The following EPX variants were observed in gnomAD, a reference collection of about 807,000 sequenced individuals.
EPX encodes the protein eosinophil peroxidase.
Under a neutral mutation model 73.0 loss-of-function variants are expected in EPX, and 60 were observed. That is an observed-to-expected ratio of 0.82 (90% CI 0.67 to 1.02). The LOEUF is 1.02. Ranked by LOEUF, EPX falls within the 50% of genes least tolerant of loss-of-function variation. EPX has a pLI of 0.00. For synonymous variants in EPX, 347 were observed against 389.2 expected, an observed-to-expected ratio of 0.89 and a Z score of 1.28; for missense variants, 950 against 973.9, an observed-to-expected ratio of 0.98 and a Z score of 0.33.
chr17:58,195,687 C>A (rs1968245874), intron 6 of EPX, among the ~76,000 whole-genome samples: 1 of 150,772 alleles, frequency 6.6e-6, no homozygotes, highest in African/African-American at 2.5e-5. Context: ...CACGTGCACA[C>A]ACACACTCTC....
rs1311662821 is a variant in EPX at position 58,195,087 on chromosome 17, G to T, written c.718G>T (p.Glu240Ter). 3 of 1,613,954 alleles carry T rather than the reference G, an allele frequency of 1.9e-6. No homozygotes were observed. The highest frequency in any genetic ancestry group is 2.5e-6 in the Non-Finnish European group (3 of 1,179,920). The change falls in exon 6 of 13, where the codon GAG becomes TAG. Residue 240 changes from glutamate to a stop codon, truncating the protein, a stop_gained. Coordinates refer to ENST00000225371, the MANE Select transcript of EPX (RefSeq NM_000502.6). LOFTEE classifies it high-confidence loss of function. The part of the protein sequence containing the change: ...FIDHDLDFSP[E>*]SPARVAFTAG... ...TGACCATGACCTGGACTTCTCCCCG[G>T]AGTCCCCGGCCAGAGTGGCCTTCAC...
intron 11 of EPX, 75 bp from the exon 12 acceptor site, chr17:58,204,146 AC>A: frequency 2.1e-6 from 2 of 969,932 alleles, no homozygotes; most frequent in Non-Finnish European, 3.4e-6. Flanking sequence ...TATGTAAAGT[AC>A]CTGGCACACA....
At chr17:58,194,939 C>G (rs750130352) in intron 5 of EPX, 25 bp from the exon 6 acceptor site, 1 of 1,590,886 alleles carries the variant, frequency 6.3e-7, no homozygotes. Flanking sequence ...GCCCATGTCC[C>G]GTGCTGATGT....
At chr17:58,194,193 T>TCCACTGAC (rs1567788134) in intron 5 of EPX, 101 bp downstream of exon 5, 1 of 1,192,568 alleles carries the variant, frequency 8.4e-7, no homozygotes, top group African/African-American at 1.5e-5. Context: ...CCCAGGCCCT[T>TCCACTGAC]CCACTGACCA....
chr17:58,199,793 A>T lies in EPX; in HGVS notation c.1536A>T (p.Glu512Asp), dbSNP rs1968315068. The T allele has an allele frequency of 6.3e-7, 1 of 1,599,962 alleles. No homozygotes were observed. Reference sequence around the variant, plus strand: ...TTGCCAGCTGGCGGATCGTGTATGAAGGTGACCAGGTTTTCCAGGGGGCAA... The same window carrying T: ...TTGCCAGCTGGCGGATCGTGTATGATGGTGACCAGGTTTTCCAGGGGGCAA... ...AFFASWRIVY[E>D]GGIDPILRGL... The change falls in exon 9 of 13, where the codon GAA becomes GAT. Residue 512 changes from glutamate to aspartate, a missense_variant and splice_region_variant. Transcript: ENST00000225371.
At position 58,200,222 on chromosome 17, in the gene EPX, C is replaced by T; in HGVS notation, c.1538-3C>T. 1 of 1,613,976 alleles carries T rather than the reference C, an allele frequency of 6.2e-7. No individual in the cohort carries two copies. Among genetic ancestry groups the T allele is most frequent in the Non-Finnish European group, 8.5e-7 (1 of 1,179,902 alleles). ...CTGTGCTGCTCACATTCCCTGCCAC[C>T]AGGGGGCATCGACCCCATCCTCCGG... is the stretch of plus-strand genomic sequence containing the variant. On this transcript the variant is annotated splice_region_variant and splice_polypyrimidine_tract_variant and intron_variant, in intron 9 of 12. Coordinates refer to ENST00000225371, the MANE Select transcript of EPX (RefSeq NM_000502.6).
rs1317004103 is a variant in EPX at position 58,203,289 on chromosome 17, C to G, written c.1917C>G (p.Asn639Lys). The G allele has an allele frequency of 6.2e-7, 1 of 1,614,014 alleles. No individual in the cohort carries two copies. The highest frequency in any genetic ancestry group is 2.2e-5 in the East Asian group (1 of 44,878). Residue 639 changes from asparagine to lysine, a missense_variant, in exon 11 of 13, where the codon AAC (asparagine) becomes AAG (lysine). By Grantham distance (94) the Asn-to-Lys change is moderately conservative. Transcript: ENST00000225371. ...CTCTTCTGGCTTGTCTGTTCGAGAA[C>G]CAGTTCAGAAGAGCCCGAGACGGAG... is the stretch of plus-strand genomic sequence containing the variant. ...VGPLLACLFE[N>K]QFRRARDGDR...
rs146679694 is a variant in EPX at position 58,199,175 on chromosome 17, G to A, written c.1256G>A (p.Arg419Gln). Residue 419 changes from arginine to glutamine, a missense_variant, in exon 8 of 13, where the codon CGG becomes CAG. Transcript: ENST00000225371. ...WNGDKLYNEA[R>Q]KIMGAMVQII... Reference sequence around the variant, plus strand: ...GGAGACAAACTGTACAATGAGGCTCGGAAGATCATGGGGGCCATGGTCCAG... The same window carrying A: ...GGAGACAAACTGTACAATGAGGCTCAGAAGATCATGGGGGCCATGGTCCAG... The A allele has an allele frequency of 1.1e-4, 173 of 1,614,012 alleles. No homozygotes were observed. Among genetic ancestry groups the A allele is most frequent in the Middle Eastern group, 4.9e-4 (3 of 6,062 alleles).
In EPX at chr17:58,193,997, C is replaced by T. The variant is rs1475952671; in HGVS notation, c.499C>T (p.Leu167=). Residue 167 remains leucine, a synonymous_variant, in exon 5 of 13, where the codon CTG becomes TTG. Coordinates refer to ENST00000225371, the MANE Select transcript of EPX (RefSeq NM_000502.6). ...CTTGCTAGGGGCCTCCAACCAGGCTCTGGCTCGCTGGCTGCCCGCCGAGTA... is the reference window on the plus strand; with the variant it reads ...CTTGCTAGGGGCCTCCAACCAGGCTTTGGCTCGCTGGCTGCCCGCCGAGTA... ...RPLLGASNQA[L]ARWLPAEYED... 2 of 1,613,058 alleles carry T rather than the reference C, an allele frequency of 1.2e-6. No homozygotes were observed. Among genetic ancestry groups the T allele is most frequent in the Non-Finnish European group, 1.7e-6 (2 of 1,180,018 alleles).
In EPX at chr17:58,192,733, T is replaced by C; in HGVS notation, c.-114T>C. On this transcript the variant is annotated 5_prime_UTR_variant, in exon 1 of 13. Coordinates refer to ENST00000225371, the MANE Select transcript of EPX (RefSeq NM_000502.6). The stretch of plus-strand genomic sequence containing the variant: ...TTCCCAGCTACGTCCAGAGAAGAGC[T>C]GGAGGAAGTGAGAGGTCGGCTGGGG... 1 of 879,132 alleles carries C rather than the reference T, an allele frequency of 1.1e-6. No individual in the cohort carries two copies. The highest frequency in any genetic ancestry group is 1.8e-6 in the Non-Finnish European group (1 of 541,318). 54.5% of individuals were successfully genotyped at this position (879,132 alleles called of 1,614,324 possible).
chr17:58,202,205 A>G (rs35584824), intron 10 of EPX: 1,989 of 152,228 alleles, frequency 0.013, 23 homozygotes, highest in Middle Eastern at 0.024. Flanking sequence ...CCGCTGGGGG[A>G]TGGTGTGTGT....
At chr17:58,201,854 A>G (rs1968346307) in intron 10 of EPX, among the ~76,000 whole-genome samples, 1 of 151,754 alleles carries the variant, frequency 6.6e-6, no homozygotes, top group African/African-American at 2.4e-5. Context: ...TATAAAAGGA[A>G]GAGCTGGAGA....
At chr17:58,203,342 C>G in intron 11 of EPX, 24 bp downstream of exon 11, 4 of 1,474,732 alleles carry the variant, frequency 2.7e-6, no homozygotes, top group Non-Finnish European at 3.8e-6. Flanking sequence ...TCATAAAAGA[C>G]ATCAGCACCA....
rs750879739 is a variant in EPX at position 58,204,362 on chromosome 17, G to A, written c.2087G>A (p.Arg696Gln). Residue 696 changes from arginine to glutamine, a missense_variant, in exon 12 of 13, where the codon CGG becomes CAG. Physicochemically the swap from Arg to Gln is conservative, Grantham distance 43 (BLOSUM62 1). Transcript: ENST00000225371. ...RDIFRANIYP[R>Q]GFVNCSRIPR... ...ATCTTCAGAGCCAACATCTACCCTC[G>A]GGGCTTTGTGAACTGCAGCCGTATC... 1.5e-5 allele frequency: 24 copies of A among 1,613,894 alleles called. No homozygotes were observed. The highest frequency in any genetic ancestry group is 1.3e-4 in the East Asian group (6 of 44,886).
chr17:58,199,873 A>G (rs1311573491), intron 9 of EPX, 79 bp downstream of exon 9: 1 of 1,496,814 alleles, frequency 6.7e-7, no homozygotes, highest in Admixed American at 1.8e-5. Flanking sequence ...GCTTACTGCC[A>G]GGAAGCCAGG....
chr17:58,199,147 A>G lies in EPX; in HGVS notation c.1228A>G (p.Asn410Asp), dbSNP rs769206915. 17 of 1,614,100 alleles carry G rather than the reference A, an allele frequency of 1.1e-5. No individual in the cohort carries two copies. Among genetic ancestry groups the G allele is most frequent in the Non-Finnish European group, 7.6e-6 (9 of 1,180,006 alleles). ...GCTGAGACGCCTGAATCCCCGGTGG[A>G]ATGGAGACAAACTGTACAATGAGGC... is the stretch of plus-strand genomic sequence containing the variant. Reference protein sequence around the residue: ...TELRRLNPRWNGDKLYNEARK... With the variant: ...TELRRLNPRWDGDKLYNEARK... Residue 410 changes from asparagine to aspartate, a missense_variant, in exon 8 of 13, where the codon AAT becomes GAT. Physicochemically the swap from Asn to Asp is conservative, Grantham distance 23. Transcript: ENST00000225371.
At chr17:58,193,666 G>C in intron 3 of EPX, 48 bp from the exon 4 acceptor site, 1 of 1,540,964 alleles carries the variant, frequency 6.5e-7, no homozygotes, top group East Asian at 2.2e-5. Context: ...AAAGGGATGG[G>C]AGGTACAGAG....
At position 58,197,117 on chromosome 17, in the gene EPX, A is replaced by G. The variant is rs1968268835; in HGVS notation, c.980A>G (p.Asn327Ser). 3 of 1,614,192 alleles carry G rather than the reference A, an allele frequency of 1.9e-6. No individual in the cohort carries two copies. The highest frequency in any genetic ancestry group is 2.5e-6 in the Non-Finnish European group (3 of 1,180,044). Residue 327 changes from asparagine (N) to serine (S), a missense_variant, in exon 7 of 13, where the codon AAC (asparagine) becomes AGC (serine). By Grantham distance (46) the Asn-to-Ser change is conservative. Coordinates refer to ENST00000225371, the MANE Select transcript of EPX (RefSeq NM_000502.6). ...GTCTCCCTCTCGCTGCGGCTCCGCA[A>G]CCGGACCAACTACCTGGGGCTGCTG... ...SEVSLSLRLR[N>S]RTNYLGLLAI...
chr17:58,195,380 C>A (rs1968241734), intron 6 of EPX, among the ~76,000 whole-genome samples: 2 of 152,202 alleles, frequency 1.3e-5, no homozygotes, highest in Admixed American at 1.3e-4. Context: ...TGCCAGGAGG[C>A]TCAGGTCAGG....
Sources: allele counts gnomAD v4.1 joint callset (sites outside exome capture counted in the v4.1 genomes callset), GRCh38; gene constraint gnomAD v4.1.1; transcripts MANE v1.5; gene names NCBI Gene and HGNC (gene_info 2026-07-23, HGNC 2026-07-21).